Variants in CNTN6 observed in about 807,000 individuals in gnomAD.
CNTN6 encodes the protein contactin 6.
In CNTN6, 137 loss-of-function variants were observed where a neutral mutation model predicts 122.8. The observed-to-expected ratio is 1.12, with a 90% CI of 0.97 to 1.29. The LOEUF is 1.29. Ranked by LOEUF, CNTN6 falls within the 50% of genes most tolerant of loss-of-function variation. The pLI, the probability that CNTN6 is intolerant of heterozygous loss-of-function variation, is 0.00. For synonymous variants in CNTN6, 570 were observed against 426.0 expected (o/e 1.34, Z -4.16); for missense variants, 1,634 against 1,223.4 (o/e 1.34, Z -5.01).
intron 4 of CNTN6, among the ~76,000 whole-genome samples, chr3:1,241,614 C>T (rs2094485874): frequency 6.6e-6 from 1 of 152,076 alleles, no homozygotes; most frequent in Non-Finnish European, 1.5e-5. Context: ...AGAGAGTGCC[C>T]AAGGGGGTTC....
At chr3:1,304,781 C>A (rs1277644983) in intron 7 of CNTN6, among the ~76,000 whole-genome samples, 1 of 151,748 alleles carries the variant, frequency 6.6e-6, no homozygotes, top group African/African-American at 2.4e-5. Flanking sequence ...ATCACGAGGT[C>A]AGGAGTTCAA....
rs538385340 is a variant in CNTN6, at chr3:1,235,585, G to A, written c.358+7592G>A. On this transcript the variant is annotated intron_variant, in intron 4 of 22. Transcript: ENST00000446702. ...TAGCAAATACAGGAGAGAAGATGGC[G>A]GATAAGCAGCAAGACTAGCTTGCAG... Among the ~76,000 whole-genome samples, 49 of 152,214 alleles carry A rather than the reference G, an allele frequency of 3.2e-4. No individual in the cohort carries two copies. In the South Asian group the frequency reaches 5.4e-3, roughly 17 times the overall value.
chr3:1,231,772 G>T (rs1454033260), intron 4 of CNTN6, among the ~76,000 whole-genome samples: 1 of 152,066 alleles, frequency 6.6e-6, no homozygotes, highest in Non-Finnish European at 1.5e-5. Flanking sequence ...AAATACTCAG[G>T]TAGATCCTAT....
intron 2 of CNTN6, among the ~76,000 whole-genome samples, chr3:1,208,997 G>C (rs1316785117): frequency 6.6e-6 from 1 of 152,138 alleles, no homozygotes; most frequent in Non-Finnish European, 1.5e-5. Flanking sequence ...GCAATATCTA[G>C]ATAAGCAATG....
chr3:1,180,315 A>G (rs1443389351), intron 2 of CNTN6, among the ~76,000 whole-genome samples: 2 of 152,234 alleles, frequency 1.3e-5, no homozygotes, highest in African/African-American at 4.8e-5. Flanking sequence ...ATGGGTATTC[A>G]TAATACTTTC....
chr3:1,340,093 G>C lies in CNTN6; in HGVS notation c.1364+10158G>C, dbSNP rs557509069. On this transcript the variant is annotated intron_variant, in intron 11 of 22. Coordinates refer to ENST00000446702, the MANE Select transcript of CNTN6 (RefSeq NM_001289080.2). ...CATATTTTTAGATGAGTAAAACTAA[G>C]GCTTAGAGAAGTTCAGCATCATACC... is the stretch of plus-strand genomic sequence containing the variant. 2.0e-5 allele frequency among the ~76,000 whole-genome samples: 3 copies of C among 152,116 alleles called. No individual in the cohort carries two copies. In the South Asian group the frequency reaches 6.2e-4, roughly 32 times the overall value.
chr3:1,353,452 G>C (rs1213758008), intron 12 of CNTN6, among the ~76,000 whole-genome samples: 1 of 151,676 alleles, frequency 6.6e-6, no homozygotes, highest in African/African-American at 2.4e-5. Flanking sequence ...ACAATTGTCT[G>C]AAGTATTCTG....
intron 12 of CNTN6, among the ~76,000 whole-genome samples, chr3:1,367,278 G>T (rs1000819302): frequency 6.6e-6 from 1 of 151,844 alleles, no homozygotes; most frequent in Non-Finnish European, 1.5e-5. Context: ...AACTTAGTAC[G>T]CTGTGAACAA....
chr3:1,210,155 G>T (rs1292753219), intron 2 of CNTN6, among the ~76,000 whole-genome samples: 1 of 152,134 alleles, frequency 6.6e-6, no homozygotes, highest in African/African-American at 2.4e-5. Flanking sequence ...TGGGATCTCA[G>T]TTCAGAGCTT....
At chr3:1,213,043 TC>T (rs375223617) in intron 2 of CNTN6, among the ~76,000 whole-genome samples, 144 of 152,292 alleles carry the variant, frequency 9.5e-4, no homozygotes, top group African/African-American at 3.3e-3. Flanking sequence ...TTTAAGTTTC[TC>T]ATCTATCAAA....
chr3:1,232,306 A>T (rs1432668325), intron 4 of CNTN6, among the ~76,000 whole-genome samples: 1 of 152,124 alleles, frequency 6.6e-6, no homozygotes, highest in East Asian at 1.9e-4. Context: ...CTCCTAATTG[A>T]CCCTTCATTT....
chr3:1,300,478 AGG>A (rs1279481269), intron 7 of CNTN6, among the ~76,000 whole-genome samples: 9 of 127,296 alleles, frequency 7.1e-5, no homozygotes, highest in African/African-American at 4.5e-4. Flanking sequence ...GAAGGAAGGA[AGG>A]AAGGAAGGAA....
Position 1,385,531 on chromosome 3 carries a change from G to A in CNTN6, c.2518-80G>A, listed in dbSNP as rs1448510202. ...TCTTCTTCCCATATTCCTTGTGGTT[G>A]TGGTTGATAGTTGTTGGTAAAAAAT... is the stretch of plus-strand genomic sequence containing the variant. On this transcript the variant is annotated intron_variant, in intron 19 of 22. Transcript: ENST00000446702. 13 of 1,125,700 alleles carry A rather than the reference G, an allele frequency of 1.2e-5. No homozygotes were observed. The East Asian group carries it at 1.5e-4, about 13-fold the overall frequency. The allele number at this position is 1,125,700 out of a possible 1,614,324, so 69.7% of individuals were successfully genotyped here. A position where few individuals can be genotyped will look rare whatever the true frequency, so the allele number is the denominator to read the frequency against.
intron 7 of CNTN6, among the ~76,000 whole-genome samples, chr3:1,302,629 T>C (rs182156438): frequency 6.6e-6 from 1 of 152,238 alleles, no homozygotes; most frequent in Admixed American, 6.5e-5. Flanking sequence ...ATATAAAAAT[T>C]GGCTTTTGTT....
intron 1 of CNTN6, among the ~76,000 whole-genome samples, chr3:1,133,425 CTT>C (rs1311940761): frequency 6.6e-6 from 1 of 152,132 alleles, no homozygotes; most frequent in Non-Finnish European, 1.5e-5. Context: ...TATGAGTAAA[CTT>C]ATCCTCACCT....
intron 3 of CNTN6, among the ~76,000 whole-genome samples, chr3:1,223,507 C>T (rs1383209071): frequency 6.6e-6 from 1 of 152,170 alleles, no homozygotes; most frequent in Non-Finnish European, 1.5e-5. Context: ...AATATGAAGT[C>T]CAGCCCTGAA....
At chr3:1,179,749 G>A (rs772277396) in intron 2 of CNTN6, among the ~76,000 whole-genome samples, 2 of 152,082 alleles carry the variant, frequency 1.3e-5, no homozygotes, top group African/African-American at 4.8e-5. Context: ...TTCTACCACA[G>A]TCATTTTTTT....
intron 1 of CNTN6, among the ~76,000 whole-genome samples, chr3:1,105,693 A>G (rs1443228279): frequency 2.0e-5 from 3 of 152,140 alleles, no homozygotes; most frequent in East Asian, 1.9e-4. Context: ...CCCTAATTGC[A>G]CATCTGGTCA....
chr3:1,147,642 T>C (rs572528705), intron 1 of CNTN6, among the ~76,000 whole-genome samples: 3 of 152,160 alleles, frequency 2.0e-5, no homozygotes, highest in African/African-American at 7.2e-5. Flanking sequence ...CTGCTAGAAA[T>C]TGATTTCTTG....
Sources: gnomAD v4.1 joint callset for allele counts (sites outside exome capture counted in the v4.1 genomes callset) on GRCh38, gnomAD v4.1.1 for gene constraint, MANE v1.5 for transcripts, NCBI Gene and HGNC (gene_info 2026-07-23, HGNC 2026-07-21) for gene names.